SGMS1: variants seen among roughly 807,000 people sequenced by gnomAD.
The protein encoded by SGMS1 is phosphatidylcholine:ceramide cholinephosphotransferase 1.
A neutral mutation model predicts 46.2 loss-of-function variants in SGMS1; 13 were observed. That is an observed-to-expected ratio of 0.28 (90% CI 0.18 to 0.45). The LOEUF is 0.45. Among genes scored for constraint, SGMS1 ranks in the 20% least tolerant of loss-of-function variants. SGMS1 has a pLI of 1.00. For synonymous variants in SGMS1, 203 were observed against 187.8 expected, an observed-to-expected ratio of 1.08 and a Z score of -0.66; for missense variants, 324 against 519.9, an observed-to-expected ratio of 0.62 and a Z score of 3.66.
chr10:50,415,975 G>C (rs1382053911), intron 6 of SGMS1, among the ~76,000 whole-genome samples: 2 of 152,208 alleles, frequency 1.3e-5, no homozygotes, highest in Non-Finnish European at 2.9e-5. Context: ...AAAAAAAGCA[G>C]AAGAAAGTTA....
intron 3 of SGMS1, among the ~76,000 whole-genome samples, chr10:50,512,645 GA>G (rs1440819121): frequency 6.6e-6 from 1 of 152,004 alleles, no homozygotes; most frequent in Non-Finnish European, 1.5e-5. Flanking sequence ...GAGTTTATGG[GA>G]AAAAAAGACA....
At chr10:50,361,200 G>A (rs1373788969) in intron 6 of SGMS1, among the ~76,000 whole-genome samples, 1 of 152,150 alleles carries the variant, frequency 6.6e-6, no homozygotes, top group African/African-American at 2.4e-5. Context: ...AAATCCAACA[G>A]TGATCAGTCA....
intron 6 of SGMS1, among the ~76,000 whole-genome samples, chr10:50,410,442 TA>T (rs1325331550): frequency 1.3e-5 from 2 of 152,168 alleles, no homozygotes; most frequent in African/African-American, 4.8e-5. Flanking sequence ...GTGGTGACAT[TA>T]AAGTAAAAAC....
At chr10:50,457,123 A>C (rs1323876150) in intron 5 of SGMS1, among the ~76,000 whole-genome samples, 1 of 152,252 alleles carries the variant, frequency 6.6e-6, no homozygotes, top group Non-Finnish European at 1.5e-5. Flanking sequence ...GCTATTACCC[A>C]AAGGGAATAC....
chr10:50,602,087 C>A (rs901792952), intron 1 of SGMS1, among the ~76,000 whole-genome samples: 2 of 152,196 alleles, frequency 1.3e-5, no homozygotes, highest in African/African-American at 4.8e-5. Context: ...AATACCCATT[C>A]TCTGGACACT....
intron 2 of SGMS1, among the ~76,000 whole-genome samples, chr10:50,537,419 GTTTCT>G (rs747556849): frequency 1.0e-4 from 15 of 148,168 alleles, no homozygotes; most frequent in Non-Finnish European, 1.8e-4. Flanking sequence ...GCATCATCCT[GTTTCT>G]TTTCTTTTTT....
chr10:50,428,787 G>C (rs1057308439), intron 6 of SGMS1, among the ~76,000 whole-genome samples: 3 of 152,160 alleles, frequency 2.0e-5, no homozygotes, highest in Admixed American at 1.3e-4. Flanking sequence ...TTCCTAAGAA[G>C]ACTGTTATGA....
intron 2 of SGMS1, among the ~76,000 whole-genome samples, chr10:50,534,334 A>C (rs1191273380): frequency 6.6e-6 from 1 of 152,236 alleles, no homozygotes; most frequent in Admixed American, 6.5e-5. Flanking sequence ...AAATAATGTA[A>C]CAAATAGACA....
intron 3 of SGMS1, among the ~76,000 whole-genome samples, chr10:50,495,352 T>C (rs1490885988): frequency 6.6e-6 from 1 of 151,902 alleles, no homozygotes; most frequent in Non-Finnish European, 1.5e-5. Context: ...AAAATTTGGC[T>C]AAAATGCCTT....
At chr10:50,530,825 GT>G (rs917630412) in intron 2 of SGMS1, among the ~76,000 whole-genome samples, 1 of 152,088 alleles carries the variant, frequency 6.6e-6, no homozygotes, top group Non-Finnish European at 1.5e-5. Context: ...ATGCAGTGTG[GT>G]TTCTTCTATT....
At chr10:50,429,359 A>G in intron 6 of SGMS1, among the ~76,000 whole-genome samples, 1 of 152,208 alleles carries the variant, frequency 6.6e-6, no homozygotes, top group East Asian at 1.9e-4. Flanking sequence ...ACAGGTTTGC[A>G]GCAGCCTAGG....
At chr10:50,480,450 T>G (rs570689991) in intron 3 of SGMS1, among the ~76,000 whole-genome samples, 1 of 151,916 alleles carries the variant, frequency 6.6e-6, no homozygotes, top group Admixed American at 6.6e-5. Context: ...CCAGATTCTC[T>G]CACTGGGACT....
Position 50,328,109 on chromosome 10 carries a change from T to C in SGMS1, c.624-787A>G, listed in dbSNP as rs58623644. The C allele has an allele frequency of 1.4e-3, 524 of 382,460 alleles. 2 individuals are homozygous for C. Among genetic ancestry groups the C allele is most frequent in the African/African-American group, 6.7e-3 (311 of 46,190 alleles). 23.7% of individuals were successfully genotyped at this position (382,460 alleles called of 1,614,324 possible). On this transcript the variant is annotated intron_variant, in intron 7 of 10. Transcript: ENST00000361781. The stretch of plus-strand genomic sequence containing the variant: ...AACAAAATTATTTGATATATACATG[T>C]AGGTTTGTATCTATCTATATACATA...
intron 6 of SGMS1, among the ~76,000 whole-genome samples, chr10:50,397,281 T>C (rs1848860976): frequency 6.6e-6 from 1 of 152,180 alleles, no homozygotes. Context: ...AGATACGTGG[T>C]CTCTGTGGGT....
At chr10:50,413,473 T>C (rs1849128593) in intron 6 of SGMS1, among the ~76,000 whole-genome samples, 1 of 152,230 alleles carries the variant, frequency 6.6e-6, no homozygotes, top group Admixed American at 6.5e-5. Flanking sequence ...CATTCAAATG[T>C]CAGAAACAGA....
chr10:50,343,130 G>A (rs1051479981), intron 7 of SGMS1: 1 of 168,448 alleles, frequency 5.9e-6, no homozygotes, highest in East Asian at 1.7e-4. Context: ...TAGGCCAACT[G>A]TCGATTTATT....
intron 5 of SGMS1, among the ~76,000 whole-genome samples, chr10:50,443,224 A>G (rs1319387496): frequency 6.6e-6 from 1 of 152,196 alleles, no homozygotes; most frequent in African/African-American, 2.4e-5. Context: ...TTTTCCAAAG[A>G]AAAGCCTGAA....
chr10:50,336,999 TG>T (rs1276666443), intron 7 of SGMS1, among the ~76,000 whole-genome samples: 1 of 152,114 alleles, frequency 6.6e-6, no homozygotes, highest in Non-Finnish European at 1.5e-5. Flanking sequence ...GCTACATGTG[TG>T]GAGGGAATAG....
At chr10:50,597,211 A>G (rs1382196474) in intron 1 of SGMS1, among the ~76,000 whole-genome samples, 2 of 152,242 alleles carry the variant, frequency 1.3e-5, no homozygotes, top group African/African-American at 2.4e-5. Context: ...ATGCCAAACA[A>G]ACACATGAAA....
Sources: allele counts gnomAD v4.1 joint callset (sites outside exome capture counted in the v4.1 genomes callset), GRCh38; gene constraint gnomAD v4.1.1; transcripts MANE v1.5; gene names NCBI Gene and HGNC (gene_info 2026-07-23, HGNC 2026-07-21).